The following CNTN4 variants were observed in gnomAD, a reference collection of about 807,000 sequenced individuals.
CNTN4 encodes the protein contactin 4, also known as contactin-4.
Under a neutral mutation model 122.5 loss-of-function variants are expected in CNTN4, and 77 were observed. The ratio of observed to expected loss-of-function variants is 0.63; its 90% CI spans 0.52 to 0.76. CNTN4 has a LOEUF of 0.76. Ranked by LOEUF, CNTN4 falls within the 30% of genes least tolerant of loss-of-function variation. The pLI, the probability that CNTN4 is intolerant of heterozygous loss-of-function variation, is 0.00. For synonymous variants in CNTN4, 512 were observed against 447.0 expected, an observed-to-expected ratio of 1.15 and a Z score of -1.83; for missense variants, 1,256 against 1,259.1, an observed-to-expected ratio of 1.00 and a Z score of 0.04.
intron 2 of CNTN4, among the ~76,000 whole-genome samples, chr3:2,275,692 C>T (rs993802089): frequency 1.3e-5 from 2 of 151,900 alleles, no homozygotes; most frequent in South Asian, 4.1e-4. Context: ...CAGGCTGAGG[C>T]GGGCGGATCA....
rs141043085 is a variant in CNTN4 at position 2,416,460 on chromosome 3, A to G, written c.-89+77227A>G. Among the ~76,000 whole-genome samples, 406 of 152,332 alleles carry G rather than the reference A, an allele frequency of 2.7e-3. 5 individuals are homozygous for G. The highest frequency in any genetic ancestry group is 0.025 in the Admixed American group (375 of 15,290). ...ATGAAAATTGGGAGGTAATCTAACC[A>G]TCTTGTGTTACATATGAGGAAATCA... On this transcript the variant is annotated intron_variant, in intron 3 of 24. Coordinates refer to ENST00000418658, the MANE Select transcript of CNTN4 (RefSeq NM_175607.3).
At chr3:2,346,583 A>G (rs1198184782) in intron 3 of CNTN4, among the ~76,000 whole-genome samples, 4 of 152,032 alleles carry the variant, frequency 2.6e-5, no homozygotes, top group African/African-American at 9.7e-5. Flanking sequence ...GTTATTTTTG[A>G]ATAATGTTAA....
intron 3 of CNTN4, among the ~76,000 whole-genome samples, chr3:2,468,839 G>A (rs2075592603): frequency 6.6e-6 from 1 of 152,154 alleles, no homozygotes; most frequent in South Asian, 2.1e-4. Flanking sequence ...GGGGGAAAGG[G>A]ATGCACCATT....
intron 3 of CNTN4, among the ~76,000 whole-genome samples, chr3:2,341,031 T>G (rs1047912184): frequency 7.9e-5 from 12 of 152,166 alleles, no homozygotes; most frequent in African/African-American, 2.9e-4. Flanking sequence ...CCATCTTTCT[T>G]AAGGCAGCAA....
chr3:2,215,012 G>C (rs2038777990), intron 2 of CNTN4, among the ~76,000 whole-genome samples: 1 of 152,052 alleles, frequency 6.6e-6, no homozygotes, highest in Non-Finnish European at 1.5e-5. Flanking sequence ...TTGAAAAAAT[G>C]GGATTATCTT....
At chr3:2,426,787 G>T (rs1330048097) in intron 3 of CNTN4, among the ~76,000 whole-genome samples, 1 of 152,046 alleles carries the variant, frequency 6.6e-6, no homozygotes, top group Non-Finnish European at 1.5e-5. Context: ...CTTCTTCCTG[G>T]TTTAGTCTTC....
chr3:2,797,887 A>T (rs1299148390), intron 6 of CNTN4, among the ~76,000 whole-genome samples: 1 of 148,478 alleles, frequency 6.7e-6, no homozygotes, highest in African/African-American at 2.5e-5. Context: ...TTTTGTGCAG[A>T]TACCTTACTA....
intron 6 of CNTN4, among the ~76,000 whole-genome samples, chr3:2,801,748 T>C (rs2092352898): frequency 6.7e-6 from 1 of 149,980 alleles, no homozygotes; most frequent in Non-Finnish European, 1.5e-5. Flanking sequence ...GTTTTTGCCC[T>C]CAAGGAGATT....
chr3:2,964,541 T>A (rs1181643498), intron 13 of CNTN4, among the ~76,000 whole-genome samples: 1 of 152,140 alleles, frequency 6.6e-6, no homozygotes, highest in East Asian at 1.9e-4. Context: ...CTTAATAAAA[T>A]GCAGAATCTG....
chr3:2,152,911 A>C (rs973764628), intron 2 of CNTN4, among the ~76,000 whole-genome samples: 2 of 152,198 alleles, frequency 1.3e-5, no homozygotes, highest in African/African-American at 4.8e-5. Flanking sequence ...CTGGACCCCA[A>C]GTGAATGCAA....
intron 3 of CNTN4, among the ~76,000 whole-genome samples, chr3:2,485,641 T>C (rs1394359385): frequency 6.6e-6 from 1 of 151,860 alleles, no homozygotes. Context: ...TGGAGAATCT[T>C]TGTCTAGCTA....
intron 6 of CNTN4, among the ~76,000 whole-genome samples, chr3:2,761,336 C>G (rs548609560): frequency 8.5e-4 from 130 of 152,100 alleles, no homozygotes; most frequent in African/African-American, 3.0e-3. Context: ...AATTTTGCTG[C>G]CTTCATCTAT....
chr3:2,100,734 T>A (rs2031869395), intron 2 of CNTN4, 95 bp downstream of exon 2: 1 of 152,216 alleles, frequency 6.6e-6, no homozygotes, highest in African/African-American at 2.4e-5. Context: ...TTGCTAAGGA[T>A]CAAAAACAAG....
At chr3:2,947,565 A>G (rs1056600114) in intron 13 of CNTN4, among the ~76,000 whole-genome samples, 2 of 151,798 alleles carry the variant, frequency 1.3e-5, no homozygotes, top group African/African-American at 4.8e-5. Flanking sequence ...AATAGTGGAA[A>G]CTCTGTGTTT....
chr3:2,377,560 T>G (rs572527212), intron 3 of CNTN4, among the ~76,000 whole-genome samples: 57 of 152,176 alleles, frequency 3.7e-4, no homozygotes, highest in South Asian at 1.5e-3. Flanking sequence ...ATTTAAGATT[T>G]GAGTTTCTTT....
At chr3:2,858,708 GA>G (rs36049980) in intron 7 of CNTN4, among the ~76,000 whole-genome samples, 25 of 136,126 alleles carry the variant, frequency 1.8e-4, no homozygotes, top group East Asian at 8.7e-4. Flanking sequence ...CCCTGTCTCA[GA>G]AAAAAAAAAA....
At chr3:2,300,819 T>G (rs2042486217) in intron 2 of CNTN4, among the ~76,000 whole-genome samples, 1 of 151,992 alleles carries the variant, frequency 6.6e-6, no homozygotes, top group South Asian at 2.1e-4. Flanking sequence ...TCCACCCACC[T>G]CGGCCTCCCA....
chr3:2,397,379 C>T (rs1305775148), intron 3 of CNTN4, among the ~76,000 whole-genome samples: 5 of 151,944 alleles, frequency 3.3e-5, no homozygotes, highest in Non-Finnish European at 7.4e-5. Context: ...TTCTTTGGTT[C>T]TGTCTTTAAT....
intron 4 of CNTN4, among the ~76,000 whole-genome samples, chr3:2,602,176 C>G (rs1223404511): frequency 6.6e-6 from 1 of 152,172 alleles, no homozygotes; most frequent in Non-Finnish European, 1.5e-5. Flanking sequence ...CCTTTGAAAA[C>G]TGGCACAAGA....
Sources: gnomAD v4.1 joint callset for allele counts (sites outside exome capture counted in the v4.1 genomes callset) on GRCh38, gnomAD v4.1.1 for gene constraint, MANE v1.5 for transcripts, NCBI Gene and HGNC (gene_info 2026-07-23, HGNC 2026-07-21) for gene names.